CNTNAP2: variants seen among roughly 807,000 people sequenced by gnomAD.
The protein encoded by CNTNAP2 is contactin-associated protein-like 2.
Under a neutral mutation model 155.2 loss-of-function variants are expected in CNTNAP2, and 98 were observed. The observed-to-expected ratio is 0.63, with a 90% CI of 0.54 to 0.75. CNTNAP2 has a LOEUF of 0.75. Ranked by LOEUF, CNTNAP2 falls within the 30% of genes least tolerant of loss-of-function variation. The pLI, the probability that CNTNAP2 is intolerant of heterozygous loss-of-function variation, is 0.00. For synonymous variants in CNTNAP2, 651 were observed against 631.2 expected, an observed-to-expected ratio of 1.03 and a Z score of -0.47; for missense variants, 1,727 against 1,688.1, an observed-to-expected ratio of 1.02 and a Z score of -0.40.
At chr7:148,148,063 AAAGG>A (rs199717284) in intron 17 of CNTNAP2, among the ~76,000 whole-genome samples, 1,686 of 151,104 alleles carry the variant, frequency 0.011, 62 homozygotes, top group Admixed American at 0.081. Flanking sequence ...GTGTGGAAGG[AAAGG>A]AAGGAAGGAA....
At position 146,604,766 on chromosome 7, in the gene CNTNAP2, C is replaced by T. The variant is rs1339056565; in HGVS notation, c.98-169505C>T. On this transcript the variant is annotated intron_variant, in intron 1 of 23. Transcript: ENST00000361727. Reference sequence around the variant, plus strand: ...GCCATAAAAAATGATGAGTTCATGTCCTTTGTAGGGACATGGATGAAATTG... The same window carrying T: ...GCCATAAAAAATGATGAGTTCATGTTCTTTGTAGGGACATGGATGAAATTG... Among the ~76,000 whole-genome samples, 52 of 142,460 alleles carry T rather than the reference C, an allele frequency of 3.7e-4. 1 individual carries two copies. The highest frequency in any genetic ancestry group is 5.7e-4 in the Non-Finnish European group (37 of 64,716). The allele number at this position is 142,460 out of a possible 152,430, so 93.5% of individuals were successfully genotyped here. A position where few individuals can be genotyped will look rare whatever the true frequency, so the allele number is the denominator to read the frequency against.
At chr7:147,773,976 C>T (rs1797516592) in intron 13 of CNTNAP2, among the ~76,000 whole-genome samples, 1 of 152,148 alleles carries the variant, frequency 6.6e-6, no homozygotes, top group African/African-American at 2.4e-5. Flanking sequence ...CCTGAAAAAT[C>T]ACCCACTTCC....
At chr7:147,309,100 A>G (rs1355828777) in intron 9 of CNTNAP2, among the ~76,000 whole-genome samples, 1 of 152,182 alleles carries the variant, frequency 6.6e-6, no homozygotes, top group Admixed American at 6.5e-5. Context: ...TTGTTCCATC[A>G]GTGTTCCAAC....
chr7:146,969,723 T>A (rs1382291625), intron 3 of CNTNAP2, among the ~76,000 whole-genome samples: 1 of 152,054 alleles, frequency 6.6e-6, no homozygotes, highest in Non-Finnish European at 1.5e-5. Context: ...AAAGTTCATA[T>A]GGCACCAAAA....
chr7:147,937,326 C>T (rs1208993832), intron 14 of CNTNAP2, among the ~76,000 whole-genome samples: 12 of 152,094 alleles, frequency 7.9e-5, no homozygotes, highest in Admixed American at 7.9e-4. Flanking sequence ...TCCCAGCTTC[C>T]CACCTAAATA....
intron 17 of CNTNAP2, among the ~76,000 whole-genome samples, chr7:148,161,278 C>T (rs905245505): frequency 2.6e-5 from 4 of 152,172 alleles, no homozygotes; most frequent in Non-Finnish European, 4.4e-5. Flanking sequence ...GTGTCTTCAG[C>T]GCTGCTTCTT....
chr7:146,366,613 T>C (rs535605626), intron 1 of CNTNAP2, among the ~76,000 whole-genome samples: 14 of 152,278 alleles, frequency 9.2e-5, no homozygotes, highest in African/African-American at 3.4e-4. Context: ...GTCAAAGTTG[T>C]TCTTTGATGT....
At chr7:146,745,933 AT>A (rs1313032459) in intron 1 of CNTNAP2, among the ~76,000 whole-genome samples, 1 of 152,198 alleles carries the variant, frequency 6.6e-6, no homozygotes, top group Non-Finnish European at 1.5e-5. Context: ...AATCAAACAG[AT>A]GTGCTTTCAA....
At chr7:146,320,510 A>G (rs1386788655) in intron 1 of CNTNAP2, among the ~76,000 whole-genome samples, 2 of 152,310 alleles carry the variant, frequency 1.3e-5, no homozygotes, top group African/African-American at 4.8e-5. Context: ...ATTTATTTTC[A>G]TGTTACGGTT....
chr7:147,194,061 T>A (rs1276328232), intron 8 of CNTNAP2, among the ~76,000 whole-genome samples: 1 of 151,524 alleles, frequency 6.6e-6, no homozygotes, highest in African/African-American at 2.4e-5. Flanking sequence ...TATTGACCCC[T>A]CCTCTAAGTT....
chr7:148,356,348 G>A (rs535668697), intron 21 of CNTNAP2, among the ~76,000 whole-genome samples: 1 of 152,240 alleles, frequency 6.6e-6, no homozygotes, highest in East Asian at 1.9e-4. Context: ...TTAAGAGAAG[G>A]GTGTTATATA....
intron 1 of CNTNAP2, among the ~76,000 whole-genome samples, chr7:146,692,611 G>A (rs1800716900): frequency 6.6e-6 from 1 of 152,120 alleles, no homozygotes; most frequent in Non-Finnish European, 1.5e-5. Flanking sequence ...TTGGACCCTT[G>A]AGGAGCAAAT....
chr7:147,002,102 C>G (rs937979323), intron 3 of CNTNAP2, among the ~76,000 whole-genome samples: 5 of 151,512 alleles, frequency 3.3e-5, no homozygotes, highest in South Asian at 2.1e-4. Flanking sequence ...AGTGTGATAA[C>G]AAATATTAAA....
At position 146,953,401 on chromosome 7, in the gene CNTNAP2, A is replaced by G. The variant is rs949693081; in HGVS notation, c.403-90506A>G. Among the ~76,000 whole-genome samples the G allele has an allele frequency of 8.6e-5, 13 of 152,004 alleles. 1 individual carries two copies. Among genetic ancestry groups the G allele is most frequent in the Admixed American group, 7.9e-4 (12 of 15,232 alleles). On this transcript the variant is annotated intron_variant, in intron 3 of 23. Transcript: ENST00000361727. ...CATGTTTAACGAGATGATAAAAAAA[A>G]CTAACTCAGAAGATTGTAGTATAAA...
chr7:146,537,431 A>G lies in CNTNAP2; in HGVS notation c.98-236840A>G, dbSNP rs113643650. Among the ~76,000 whole-genome samples the G allele has an allele frequency of 6.6e-3, 1,011 of 152,202 alleles. 9 individuals are homozygous for G. Among genetic ancestry groups the G allele is most frequent in the African/African-American group, 0.023 (944 of 41,532 alleles). On this transcript the variant is annotated intron_variant, in intron 1 of 23. Coordinates refer to ENST00000361727, the MANE Select transcript of CNTNAP2 (RefSeq NM_014141.6). ...TTATTTACTTACTAAGTTTGTATCA[A>G]TGTTAAAGCCTTCAATTAAAAAAAA... is the stretch of plus-strand genomic sequence containing the variant.
chr7:148,229,834 C>CAGGGA, intron 20 of CNTNAP2, 55 bp downstream of exon 20: 1 of 1,598,678 alleles, frequency 6.3e-7, no homozygotes, highest in Non-Finnish European at 8.5e-7. Context: ...AGTCCCTGTC[C>CAGGGA]CTATAATGCT....
chr7:147,714,050 T>C (rs73166210), intron 13 of CNTNAP2, among the ~76,000 whole-genome samples: 1 of 152,266 alleles, frequency 6.6e-6, no homozygotes, highest in Non-Finnish European at 1.5e-5. Context: ...ATTGAGTACC[T>C]ACTGTATGCC....
chr7:146,200,267 G>A (rs185447121), intron 1 of CNTNAP2, among the ~76,000 whole-genome samples: 168 of 152,122 alleles, frequency 1.1e-3, no homozygotes, highest in African/African-American at 3.4e-3. Context: ...AGGCTGAGGC[G>A]GGCGGATCAC....
intron 22 of CNTNAP2, among the ~76,000 whole-genome samples, chr7:148,386,362 T>C (rs1563067967): frequency 6.6e-6 from 1 of 152,118 alleles, no homozygotes; most frequent in Non-Finnish European, 1.5e-5. Flanking sequence ...AGCCCGTCTC[T>C]ACTAAAAATA....
Sources: allele counts gnomAD v4.1 joint callset (sites outside exome capture counted in the v4.1 genomes callset), GRCh38; gene constraint gnomAD v4.1.1; transcripts MANE v1.5; gene names NCBI Gene and HGNC (gene_info 2026-07-23, HGNC 2026-07-21).